The following TENM2 variants were observed in gnomAD, a reference collection of about 807,000 sequenced individuals.
TENM2 encodes teneurin transmembrane protein 2.
TENM2 carries 52 observed loss-of-function variants against 245.2 expected under a neutral mutation model. The observed-to-expected ratio is 0.21, with a 90% CI of 0.17 to 0.27. TENM2 has a LOEUF of 0.27. Among genes scored for constraint, TENM2 ranks in the 10% least tolerant of loss-of-function variants. The probability of loss-of-function intolerance (pLI) is 1.00; values close to 1 mark genes in which losing one functional copy is unlikely to be tolerated. For synonymous variants in TENM2, 1,363 were observed against 1,438.9 expected (o/e 0.95, Z 1.19); for missense variants, 3,046 against 3,666.8 (o/e 0.83, Z 4.37).
In TENM2 at chr5:167,527,325, A is replaced by G. The variant is rs556315454; in HGVS notation, c.502+151852A>G. Among the ~76,000 whole-genome samples, 27 of 152,120 alleles carry G rather than the reference A, an allele frequency of 1.8e-4. 1 individual carries two copies. The highest frequency in any genetic ancestry group is 3.5e-4 in the Non-Finnish European group (24 of 68,008). On this transcript the variant is annotated intron_variant, in intron 2 of 28. Coordinates refer to ENST00000518659, the Ensembl canonical transcript of TENM2. The stretch of plus-strand genomic sequence containing the variant: ...GTCCCCCACCCACCACAAAAGAAAA[A>G]AATTCAGCAGATATTTATAAAGTAT...
chr5:167,950,865 A>G (rs1780037285), intron 3 of TENM2, among the ~76,000 whole-genome samples: 2 of 152,252 alleles, frequency 1.3e-5, no homozygotes, highest in Non-Finnish European at 2.9e-5. Flanking sequence ...CTGATGCATA[A>G]TGTAAAATAG....
intron 2 of TENM2, among the ~76,000 whole-genome samples, chr5:167,463,690 G>A (rs1381244101): frequency 2.0e-5 from 3 of 151,926 alleles, no homozygotes; most frequent in African/African-American, 4.8e-5. Flanking sequence ...GTAGAGAAGG[G>A]GTTTCACCAT....
chr5:167,238,009 C>CAAAAA, the TENM2 span, among the ~76,000 whole-genome samples: 363 of 43,968 alleles, frequency 8.3e-3, 25 homozygotes, highest in African/African-American at 0.026. Context: ...GACTCTGTCT[C>CAAAAA]AAAAAAAAAA....
intron 2 of TENM2, among the ~76,000 whole-genome samples, chr5:167,443,098 G>A (rs1764960796): frequency 6.6e-6 from 1 of 152,194 alleles, no homozygotes; most frequent in African/African-American, 2.4e-5. Flanking sequence ...TTTATGTCAA[G>A]AAGGAGATGA....
chr5:167,312,869 C>T (rs1411312639), intron 1 of TENM2, among the ~76,000 whole-genome samples: 2 of 150,624 alleles, frequency 1.3e-5, no homozygotes, highest in African/African-American at 2.4e-5. Context: ...AATCAAGCGA[C>T]AGGATAGCCC....
rs70976468 is a variant in TENM2, at chr5:168,219,824, C to CAAAAAAAAAAA, written c.5108+840_5108+850dup. Among the ~76,000 whole-genome samples the CAAAAAAAAAAA allele has an allele frequency of 7.2e-4, 36 of 49,814 alleles. 2 individuals are homozygous for CAAAAAAAAAAA. Among genetic ancestry groups the CAAAAAAAAAAA allele is most frequent in the African/African-American group, 2.9e-3 (32 of 11,106 alleles). The allele number at this position is 49,814 out of a possible 152,430, so 32.7% of individuals were successfully genotyped here. ...GTTAAGTTAGGGAGAGTTGGCACAG[C>CAAAAAAAAAAA]AAAAAAAAAAAAAAAAAAAAAAAAA... On this transcript the variant is annotated intron_variant, in intron 23 of 28. Coordinates refer to ENST00000518659, the Ensembl canonical transcript of TENM2.
At position 167,372,204 on chromosome 5, in the gene TENM2, A is replaced by G. The variant is rs183294992; in HGVS notation, c.227-2994A>G. Among the ~76,000 whole-genome samples the G allele has an allele frequency of 1.1e-4, 17 of 152,264 alleles. No homozygotes were observed. In the East Asian group the frequency reaches 1.9e-3, roughly 17 times the overall value. ...CACAGACCTTCCAATTTTCTTTACAATGCTGTTCCTTTGTGGCTCGGGGGC... is the reference window on the plus strand; with the variant it reads ...CACAGACCTTCCAATTTTCTTTACAGTGCTGTTCCTTTGTGGCTCGGGGGC... On this transcript the variant is annotated intron_variant, in intron 1 of 28. Transcript: ENST00000518659.
the TENM2 span, among the ~76,000 whole-genome samples, chr5:167,216,316 C>T: frequency 6.6e-6 from 1 of 152,074 alleles, no homozygotes; most frequent in African/African-American, 2.4e-5. Context: ...GAAAGGATCA[C>T]CAGGAGGAAG....
intron 2 of TENM2, among the ~76,000 whole-genome samples, chr5:167,562,369 C>G (rs1255564982): frequency 6.6e-6 from 1 of 152,032 alleles, no homozygotes; most frequent in East Asian, 1.9e-4. Context: ...ATTACGGACC[C>G]AGATAATAAA....
chr5:167,806,940 C>A (rs1766222466), intron 2 of TENM2, among the ~76,000 whole-genome samples: 1 of 151,594 alleles, frequency 6.6e-6, no homozygotes, highest in African/African-American at 2.4e-5. Context: ...ACCGTGGTAT[C>A]TTTCCTGAGT....
intron 1 of TENM2, among the ~76,000 whole-genome samples, chr5:167,336,787 G>A (rs2127802265): frequency 6.6e-6 from 1 of 151,536 alleles, no homozygotes; most frequent in Admixed American, 6.6e-5. Flanking sequence ...TTCAGATTAG[G>A]GATGCTCAAT....
chr5:167,242,181 C>T, the TENM2 span, among the ~76,000 whole-genome samples: 1 of 151,822 alleles, frequency 6.6e-6, no homozygotes, highest in African/African-American at 2.4e-5. Context: ...TCCTGAGTAG[C>T]TAGAATTACA....
chr5:167,952,724 C>T (rs199896784), exon 4 of TENM2: 33 of 1,603,802 alleles, frequency 2.1e-5, no homozygotes, highest in Non-Finnish European at 2.6e-5. Flanking sequence ...GTCAGATCCA[C>T]GCCCCGGCCC....
chr5:167,662,883 A>T (rs981328318), intron 2 of TENM2, among the ~76,000 whole-genome samples: 2 of 152,322 alleles, frequency 1.3e-5, no homozygotes, highest in Admixed American at 6.5e-5. Context: ...CAAGATTCCC[A>T]GGAGTTCAGT....
At chr5:167,807,124 TAA>T (rs1178739925) in intron 2 of TENM2, among the ~76,000 whole-genome samples, 7,663 of 48,078 alleles carry the variant, frequency 0.16, 232 homozygotes, top group Non-Finnish European at 0.17. Flanking sequence ...GCCCCTAGGT[TAA>T]AAAAAAAAAA....
At chr5:168,243,209 G>A (rs1766263872) in intron 25 of TENM2, among the ~76,000 whole-genome samples, 1 of 152,124 alleles carries the variant, frequency 6.6e-6, no homozygotes. Flanking sequence ...ACCCACTCAG[G>A]GCTAGCTGAA....
chr5:167,778,114 G>C (rs1276191478), intron 2 of TENM2, among the ~76,000 whole-genome samples: 2 of 152,160 alleles, frequency 1.3e-5, no homozygotes, highest in Non-Finnish European at 2.9e-5. Context: ...GCTGGCCCCT[G>C]CTGCAAGGGA....
rs11446185 is a variant in TENM2, at chr5:168,112,606, C to CGGGGG, written c.1814-5680_1814-5676dup. Reference sequence around the variant, plus strand: ...ATTTTTGAATACAGTGTGCAGTGGGCGGGGGGGGGGTCAAACTTTATTACT... The same window carrying CGGGGG: ...ATTTTTGAATACAGTGTGCAGTGGGCGGGGGGGGGGGGGGGTCAAACTTTATTACT... On this transcript the variant is annotated intron_variant, in intron 9 of 28. Transcript: ENST00000518659. Among the ~76,000 whole-genome samples the CGGGGG allele has an allele frequency of 4.2e-3, 268 of 63,910 alleles. 2 individuals carry two copies. The highest frequency in any genetic ancestry group is 0.021 in the South Asian group (29 of 1,414). 41.9% of individuals were successfully genotyped at this position (63,910 alleles called of 152,430 possible).
the TENM2 span, among the ~76,000 whole-genome samples, chr5:167,093,550 G>T: frequency 6.6e-6 from 1 of 152,126 alleles, no homozygotes; most frequent in African/African-American, 2.4e-5. Flanking sequence ...GGCTAGTCGC[G>T]ACAGCATATG....
Sources: allele counts gnomAD v4.1 joint callset (sites outside exome capture counted in the v4.1 genomes callset), GRCh38; gene constraint gnomAD v4.1.1; transcripts MANE v1.5; gene names NCBI Gene and HGNC (gene_info 2026-07-23, HGNC 2026-07-21).